RPS6KC1: variants seen among roughly 807,000 people sequenced by gnomAD.
RPS6KC1 encodes the protein ribosomal protein S6 kinase C1.
A neutral mutation model predicts 103.8 loss-of-function variants in RPS6KC1; 54 were observed. That is an observed-to-expected ratio of 0.52 (90% CI 0.42 to 0.65). RPS6KC1 has a LOEUF of 0.65. Ranked by LOEUF, RPS6KC1 falls within the 30% of genes least tolerant of loss-of-function variation. The probability of loss-of-function intolerance (pLI) is 0.00; values close to 1 mark genes in which losing one functional copy is unlikely to be tolerated. For synonymous variants in RPS6KC1, 439 were observed against 438.7 expected (o/e 1.00, Z -0.01); for missense variants, 1,151 against 1,253.8 (o/e 0.92, Z 1.24).
chr1:213,509,133 T>C, the RPS6KC1 span, among the ~76,000 whole-genome samples: 1 of 152,188 alleles, frequency 6.6e-6, no homozygotes, highest in South Asian at 2.1e-4. Context: ...TAAGGTGTAT[T>C]TAATAATTAT....
chr1:213,743,609 G>C, the RPS6KC1 span, among the ~76,000 whole-genome samples: 1 of 152,222 alleles, frequency 6.6e-6, no homozygotes, highest in African/African-American at 2.4e-5. Flanking sequence ...CTAGCAGCTT[G>C]AAGGGCCATC....
chr1:213,483,892 G>T, the RPS6KC1 span, among the ~76,000 whole-genome samples: 1 of 152,188 alleles, frequency 6.6e-6, no homozygotes, highest in African/African-American at 2.4e-5. Context: ...AGAGTCTAAG[G>T]CTTTCCTCAG....
At chr1:213,334,604 T>A in the RPS6KC1 span, among the ~76,000 whole-genome samples, 1 of 152,208 alleles carries the variant, frequency 6.6e-6, no homozygotes, top group East Asian at 1.9e-4. Context: ...TAGCTTATTT[T>A]TGCACACTTT....
At chr1:213,116,262 G>A (rs1378421325) in intron 4 of RPS6KC1, among the ~76,000 whole-genome samples, 3 of 151,602 alleles carry the variant, frequency 2.0e-5, no homozygotes, top group Admixed American at 1.3e-4. Context: ...ATATATTTAG[G>A]ATAGTTAGCT....
chr1:213,733,512 C>T, the RPS6KC1 span, among the ~76,000 whole-genome samples: 1 of 149,684 alleles, frequency 6.7e-6, no homozygotes, highest in Non-Finnish European at 1.5e-5. Flanking sequence ...GATGGGATTG[C>T]AGGCGTGAGC....
the RPS6KC1 span, chr1:213,817,627 G>A: frequency 6.6e-6 from 1 of 152,182 alleles, no homozygotes; most frequent in Non-Finnish European, 1.5e-5. Flanking sequence ...TCTTTCCTAG[G>A]AATGTAGCAT....
chr1:213,121,153 C>G (rs913887077), intron 5 of RPS6KC1, among the ~76,000 whole-genome samples: 1 of 152,132 alleles, frequency 6.6e-6, no homozygotes, highest in Admixed American at 6.6e-5. Flanking sequence ...AGGCAGCTCT[C>G]GAACTCTTAG....
At chr1:213,140,685 C>A (rs1293798938) in intron 6 of RPS6KC1, among the ~76,000 whole-genome samples, 52 of 151,996 alleles carry the variant, frequency 3.4e-4, no homozygotes, top group Non-Finnish European at 2.9e-5. Context: ...AGAAATAAAT[C>A]CTACTTGAGC....
the RPS6KC1 span, among the ~76,000 whole-genome samples, chr1:213,452,746 C>G: frequency 6.6e-6 from 1 of 152,202 alleles, no homozygotes; most frequent in Non-Finnish European, 1.5e-5. Flanking sequence ...CCACCCTCCT[C>G]CCAGGCTGGC....
At chr1:213,552,745 T>C in the RPS6KC1 span, among the ~76,000 whole-genome samples, 1 of 152,154 alleles carries the variant, frequency 6.6e-6, no homozygotes, top group East Asian at 1.9e-4. Flanking sequence ...GGTGCTTTTA[T>C]TTTTCTTAGT....
the RPS6KC1 span, among the ~76,000 whole-genome samples, chr1:213,504,332 A>T: frequency 6.6e-6 from 1 of 152,060 alleles, no homozygotes; most frequent in Non-Finnish European, 1.5e-5. Context: ...TCTTATCCTT[A>T]CAATTTTTTT....
chr1:213,702,050 T>C, the RPS6KC1 span, among the ~76,000 whole-genome samples: 1 of 151,998 alleles, frequency 6.6e-6, no homozygotes, highest in Admixed American at 6.6e-5. Context: ...TAGGCATTTA[T>C]AGCTGTAAAA....
the RPS6KC1 span, among the ~76,000 whole-genome samples, chr1:213,717,499 G>T: frequency 1.3e-5 from 2 of 152,222 alleles, no homozygotes; most frequent in South Asian, 4.1e-4. Context: ...TGGCTAAAGC[G>T]TTGAGTTTAT....
the RPS6KC1 span, among the ~76,000 whole-genome samples, chr1:213,508,367 A>G: frequency 1.1e-4 from 16 of 152,248 alleles, no homozygotes; most frequent in Non-Finnish European, 2.4e-4. Flanking sequence ...AAAAAGCATG[A>G]CATGGAGAAA....
chr1:213,781,373 G>A, the RPS6KC1 span, among the ~76,000 whole-genome samples: 165 of 152,304 alleles, frequency 1.1e-3, 1 homozygote, highest in Middle Eastern at 3.4e-3. Context: ...CCAGGGATAA[G>A]AGGGGAAATT....
the RPS6KC1 span, among the ~76,000 whole-genome samples, chr1:213,291,478 A>G: frequency 6.6e-6 from 1 of 152,200 alleles, no homozygotes; most frequent in Non-Finnish European, 1.5e-5. Context: ...CTATCCTTGG[A>G]TCCTTAAAGA....
chr1:213,589,533 T>G, the RPS6KC1 span, among the ~76,000 whole-genome samples: 1 of 151,866 alleles, frequency 6.6e-6, no homozygotes, highest in East Asian at 1.9e-4. Context: ...TCCCAGCTAC[T>G]CTGGAGGCTG....
At chr1:213,377,392 T>C in the RPS6KC1 span, among the ~76,000 whole-genome samples, 1 of 152,246 alleles carries the variant, frequency 6.6e-6, no homozygotes, top group African/African-American at 2.4e-5. Flanking sequence ...AACAGTTCTC[T>C]CTGTGTCAGA....
At chr1:213,522,307 G>A in the RPS6KC1 span, among the ~76,000 whole-genome samples, 1 of 152,156 alleles carries the variant, frequency 6.6e-6, no homozygotes. Flanking sequence ...ATTCAGTTAG[G>A]CCATGCTATA....
Sources: allele counts gnomAD v4.1 joint callset (sites outside exome capture counted in the v4.1 genomes callset), GRCh38; gene constraint gnomAD v4.1.1; transcripts MANE v1.5; gene names NCBI Gene and HGNC (gene_info 2026-07-23, HGNC 2026-07-21).